CLSTN2: variants seen among roughly 807,000 people sequenced by gnomAD.
CLSTN2 encodes the protein calsyntenin-2.
In CLSTN2, 48 loss-of-function variants were observed where a neutral mutation model predicts 101.2. The ratio of observed to expected loss-of-function variants is 0.47; its 90% CI spans 0.38 to 0.60. CLSTN2 has a LOEUF of 0.60. Among genes scored for constraint, CLSTN2 ranks in the 20% least tolerant of loss-of-function variants. CLSTN2 has a pLI of 0.00. For synonymous variants in CLSTN2, 481 were observed against 463.6 expected, an observed-to-expected ratio of 1.04 and a Z score of -0.48; for missense variants, 1,160 against 1,238.2, an observed-to-expected ratio of 0.94 and a Z score of 0.95.
chr3:140,289,877 C>T (rs1368800429), intron 2 of CLSTN2, among the ~76,000 whole-genome samples: 5 of 151,456 alleles, frequency 3.3e-5, no homozygotes, highest in African/African-American at 7.3e-5. Context: ...TATAAGGATT[C>T]TCATGTATGT....
intron 1 of CLSTN2, among the ~76,000 whole-genome samples, chr3:140,076,625 G>GTTTTTTT (rs35645750): frequency 0.04 from 1,524 of 38,072 alleles, 244 homozygotes; most frequent in Middle Eastern, 0.088. Flanking sequence ...CACCAGCAGT[G>GTTTTTTT]TTTTTTTTTT....
chr3:140,467,696 C>T (rs1312545218), intron 8 of CLSTN2, among the ~76,000 whole-genome samples: 1 of 152,148 alleles, frequency 6.6e-6, no homozygotes, highest in Non-Finnish European at 1.5e-5. Flanking sequence ...CACTACCTGC[C>T]TCACCTTGCT....
At chr3:140,552,530 C>A (rs1430030254) in intron 10 of CLSTN2, among the ~76,000 whole-genome samples, 3 of 152,068 alleles carry the variant, frequency 2.0e-5, no homozygotes, top group Non-Finnish European at 2.9e-5. Context: ...TGCTGTGGCA[C>A]AGACCAGGGT....
chr3:140,074,056 C>T (rs1488286618), intron 1 of CLSTN2, among the ~76,000 whole-genome samples: 4 of 152,186 alleles, frequency 2.6e-5, no homozygotes, highest in African/African-American at 9.6e-5. Flanking sequence ...TACCCTCCTC[C>T]ACTTATGGCT....
chr3:140,536,895 C>A (rs546207749), intron 9 of CLSTN2, among the ~76,000 whole-genome samples: 40 of 152,292 alleles, frequency 2.6e-4, no homozygotes, highest in African/African-American at 9.4e-4. Flanking sequence ...CCCTGGGACA[C>A]CACACTGCTT....
At chr3:140,253,512 A>C (rs879803204) in intron 2 of CLSTN2, among the ~76,000 whole-genome samples, 13 of 152,220 alleles carry the variant, frequency 8.5e-5, no homozygotes, top group Non-Finnish European at 2.9e-5. Flanking sequence ...TTAAAAACCC[A>C]AAAACAGCAC....
At chr3:140,040,124 C>T (rs1456259913) in intron 1 of CLSTN2, among the ~76,000 whole-genome samples, 1 of 152,138 alleles carries the variant, frequency 6.6e-6, no homozygotes, top group Admixed American at 6.6e-5. Flanking sequence ...TTTGAATTCA[C>T]CCAGTCTGAT....
intron 1 of CLSTN2, among the ~76,000 whole-genome samples, chr3:140,167,947 C>T (rs1385712341): frequency 1.3e-5 from 2 of 152,112 alleles, no homozygotes; most frequent in Middle Eastern, 3.2e-3. Flanking sequence ...TTTGTTTATC[C>T]ATTCACTAGT....
chr3:140,463,742 G>T (rs886230245), intron 7 of CLSTN2, among the ~76,000 whole-genome samples: 2 of 152,200 alleles, frequency 1.3e-5, no homozygotes, highest in South Asian at 2.1e-4. Flanking sequence ...GGGAGAGCAG[G>T]TTCCCTGGTA....
At chr3:140,386,091 T>C (rs573903638) in intron 2 of CLSTN2, among the ~76,000 whole-genome samples, 1 of 152,320 alleles carries the variant, frequency 6.6e-6, no homozygotes, top group African/African-American at 2.4e-5. Flanking sequence ...CTATGTACTT[T>C]CTTCATGCCA....
chr3:140,562,583 C>T (rs893610081), intron 13 of CLSTN2, among the ~76,000 whole-genome samples: 5 of 152,318 alleles, frequency 3.3e-5, no homozygotes, highest in Non-Finnish European at 5.9e-5. Flanking sequence ...ACAAATGTCA[C>T]AGAAACATCT....
chr3:140,391,366 CGT>C (rs1306190852), intron 2 of CLSTN2, among the ~76,000 whole-genome samples: 1 of 1,876 alleles, frequency 5.3e-4, no homozygotes, highest in Non-Finnish European at 8.7e-4. Context: ...TCACTATTTG[CGT>C]GGGGGGGTGG....
chr3:140,306,746 A>C (rs542704359), intron 2 of CLSTN2, among the ~76,000 whole-genome samples: 8 of 152,224 alleles, frequency 5.3e-5, no homozygotes, highest in Middle Eastern at 3.4e-3. Flanking sequence ...TGGCTTTTCC[A>C]GAAAATTCAT....
At chr3:140,078,875 C>A (rs2008539286) in intron 1 of CLSTN2, among the ~76,000 whole-genome samples, 1 of 152,032 alleles carries the variant, frequency 6.6e-6, no homozygotes, top group South Asian at 2.1e-4. Flanking sequence ...GACACAGCAG[C>A]CATGTTGTGT....
chr3:139,994,481 C>T (rs530378181), intron 1 of CLSTN2, among the ~76,000 whole-genome samples: 1 of 152,286 alleles, frequency 6.6e-6, no homozygotes, highest in South Asian at 2.1e-4. Context: ...CTCCACTGCC[C>T]TGGGCCACCA....
chr3:140,561,225 T>C (rs1481771030), intron 12 of CLSTN2, among the ~76,000 whole-genome samples: 1 of 152,196 alleles, frequency 6.6e-6, no homozygotes, highest in Non-Finnish European at 1.5e-5. Flanking sequence ...CAAAGCCACT[T>C]GAAGACAACT....
At chr3:140,172,139 C>A (rs2010247856) in intron 1 of CLSTN2, among the ~76,000 whole-genome samples, 1 of 144,024 alleles carries the variant, frequency 6.9e-6, no homozygotes, top group Non-Finnish European at 1.5e-5. Context: ...GGCATCGGAA[C>A]AATTTTGATT....
At chr3:140,123,698 G>C (rs2009381500) in intron 1 of CLSTN2, among the ~76,000 whole-genome samples, 1 of 152,052 alleles carries the variant, frequency 6.6e-6, no homozygotes, top group Admixed American at 6.6e-5. Context: ...AGCATGGTTG[G>C]CTTCTGGTAA....
intron 8 of CLSTN2, among the ~76,000 whole-genome samples, chr3:140,503,385 AT>A (rs1312521682): frequency 2.0e-5 from 3 of 152,164 alleles, no homozygotes; most frequent in African/African-American, 7.2e-5. Context: ...ACTTACCATC[AT>A]GTTACATCTG....
Sources: gnomAD v4.1 joint callset for allele counts (sites outside exome capture counted in the v4.1 genomes callset) on GRCh38, gnomAD v4.1.1 for gene constraint, MANE v1.5 for transcripts, NCBI Gene and HGNC (gene_info 2026-07-23, HGNC 2026-07-21) for gene names.